Variants in CHST9 observed in about 807,000 individuals in gnomAD.
CHST9 encodes the protein GalNAc-4-sulfotransferase 2.
CHST9 carries 41 observed loss-of-function variants against 44.4 expected under a neutral mutation model. The observed-to-expected ratio is 0.92, with a 90% confidence interval of 0.72 to 1.20. The LOEUF (loss-of-function observed/expected upper bound fraction) is 1.20. CHST9 is among the 50% of genes most tolerant of loss of function. CHST9 has a pLI of 0.00. For synonymous variants in CHST9, 171 were observed against 178.4 expected, an observed-to-expected ratio of 0.96 and a Z score of 0.33; for missense variants, 504 against 516.5, an observed-to-expected ratio of 0.98 and a Z score of 0.23.
chr18:27,156,665 G>GCAA (rs2058700680), intron 1 of CHST9, among the ~76,000 whole-genome samples: 1 of 152,048 alleles, frequency 6.6e-6, no homozygotes, highest in Non-Finnish European at 1.5e-5. Context: ...GAGGCAATGG[G>GCAA]CAACAGAGTA....
At chr18:27,176,522 T>C (rs1044717155) in intron 1 of CHST9, among the ~76,000 whole-genome samples, 1 of 152,012 alleles carries the variant, frequency 6.6e-6, no homozygotes, top group African/African-American at 2.4e-5. Flanking sequence ...ATGGGAACCC[T>C]GCACCCTTGA....
chr18:26,986,240 A>G (rs2056753807), intron 4 of CHST9, among the ~76,000 whole-genome samples: 1 of 152,192 alleles, frequency 6.6e-6, no homozygotes, highest in South Asian at 2.1e-4. Context: ...AAAGTTAAGT[A>G]AAGACATGGA....
rs766901403 is a variant in CHST9, at chr18:26,908,754, T to C, written c.*7505A>G. On this transcript the variant is annotated 3_prime_UTR_variant, in exon 6 of 6. Coordinates refer to ENST00000618847, the MANE Select transcript of CHST9 (RefSeq NM_031422.6). The stretch of plus-strand genomic sequence containing the variant: ...GGCAATGTCATATGGTTCAACCTAA[T>C]AGAAAGGCAAAAAGAGACAAATCCT... 4 of 152,142 alleles carry C rather than the reference T, an allele frequency of 2.6e-5. No individual in the cohort carries two copies. The highest frequency in any genetic ancestry group is 5.9e-5 in the Non-Finnish European group (4 of 68,018). 9.4% of individuals were successfully genotyped at this position (152,142 alleles called of 1,614,324 possible). A position where few individuals can be genotyped will look rare whatever the true frequency, so the allele number is the denominator to read the frequency against.
chr18:26,956,406 T>C (rs1216668238), intron 4 of CHST9, among the ~76,000 whole-genome samples: 4 of 147,330 alleles, frequency 2.7e-5, no homozygotes, highest in Admixed American at 1.4e-4. Context: ...TATCTATATA[T>C]ATATACACAA....
At position 26,908,956 on chromosome 18, in the gene CHST9, A is replaced by C. The variant is rs926493558; in HGVS notation, c.*7303T>G. On this transcript the variant is annotated 3_prime_UTR_variant, in exon 6 of 6. Transcript: ENST00000618847. ...TATTGGAGAAACTCATATTGTCTTC[A>C]CTTGTTCAATGTGAAGTTGAGTTGC... is the stretch of plus-strand genomic sequence containing the variant. 3.3e-5 allele frequency: 5 copies of C among 152,206 alleles called. No individual in the cohort carries two copies. Among genetic ancestry groups the C allele is most frequent in the Non-Finnish European group, 7.3e-5 (5 of 68,038 alleles). 9.4% of individuals were successfully genotyped at this position (152,206 alleles called of 1,614,324 possible).
chr18:27,072,038 G>A (rs1333396331), intron 2 of CHST9, among the ~76,000 whole-genome samples: 1 of 152,176 alleles, frequency 6.6e-6, no homozygotes, highest in African/African-American at 2.4e-5. Context: ...TAGGATGAAT[G>A]TTGACTCAAC....
At chr18:26,953,578 TGAA>T (rs1292355704) in intron 4 of CHST9, among the ~76,000 whole-genome samples, 1 of 151,528 alleles carries the variant, frequency 6.6e-6, no homozygotes, top group Admixed American at 6.6e-5. Flanking sequence ...AGAAGGAAAA[TGAA>T]GAAAATCAAA....
At chr18:26,969,368 C>CTGTGTGTG (rs1435153900) in intron 4 of CHST9, among the ~76,000 whole-genome samples, 35 of 94,108 alleles carry the variant, frequency 3.7e-4, no homozygotes, top group African/African-American at 1.1e-3. Context: ...GATTCTCTCT[C>CTGTGTGTG]TCTCTCTCTG....
At chr18:26,968,521 A>C (rs1385246359) in intron 4 of CHST9, among the ~76,000 whole-genome samples, 2 of 152,122 alleles carry the variant, frequency 1.3e-5, no homozygotes, top group African/African-American at 4.8e-5. Context: ...GTTTTGTTGC[A>C]CTTTAAAGAA....
At chr18:26,988,833 A>G (rs1359154523) in intron 4 of CHST9, among the ~76,000 whole-genome samples, 1 of 152,190 alleles carries the variant, frequency 6.6e-6, no homozygotes, top group Non-Finnish European at 1.5e-5. Context: ...AAGTCATGTA[A>G]CATATGTTTT....
chr18:27,056,328 A>G (rs1320314242), intron 2 of CHST9, among the ~76,000 whole-genome samples: 2 of 152,146 alleles, frequency 1.3e-5, no homozygotes, highest in Admixed American at 6.5e-5. Context: ...TTTCACATGC[A>G]CAAGGTTCCA....
chr18:26,948,510 TTTGTTTCC>T (rs1012691075), intron 4 of CHST9, among the ~76,000 whole-genome samples: 9 of 152,210 alleles, frequency 5.9e-5, no homozygotes, highest in African/African-American at 2.2e-4. Flanking sequence ...AAACCTTAGT[TTTGTTTCC>T]TTTGGGACTA....
intron 2 of CHST9, among the ~76,000 whole-genome samples, chr18:27,107,936 C>T (rs2058236163): frequency 6.6e-6 from 1 of 152,182 alleles, no homozygotes; most frequent in South Asian, 2.1e-4. Context: ...TCTAGTTACA[C>T]TCAATCTCAC....
intron 3 of CHST9, among the ~76,000 whole-genome samples, chr18:27,031,003 C>T (rs1294520435): frequency 2.6e-5 from 4 of 152,162 alleles, no homozygotes; most frequent in African/African-American, 7.2e-5. Flanking sequence ...GTCCACCCCA[C>T]CCCCATCCCA....
chr18:27,182,323 G>A (rs985882836), intron 1 of CHST9, among the ~76,000 whole-genome samples: 4 of 80,818 alleles, frequency 4.9e-5, no homozygotes, highest in Admixed American at 2.4e-4. Flanking sequence ...TCTGTCCAAA[G>A]CCATTCTTCT....
chr18:26,927,525 T>A (rs1408307051), intron 5 of CHST9, among the ~76,000 whole-genome samples: 1 of 152,014 alleles, frequency 6.6e-6, no homozygotes, highest in Non-Finnish European at 1.5e-5. Flanking sequence ...CAGGAAAACA[T>A]GTGAACAAAT....
chr18:27,167,818 T>C (rs889900528), intron 1 of CHST9, among the ~76,000 whole-genome samples: 1 of 152,276 alleles, frequency 6.6e-6, no homozygotes, highest in African/African-American at 2.4e-5. Context: ...GATCTAATCA[T>C]GTGCAAAGTT....
At chr18:26,962,435 C>T (rs1035904937) in intron 4 of CHST9, among the ~76,000 whole-genome samples, 8 of 151,938 alleles carry the variant, frequency 5.3e-5, no homozygotes, top group African/African-American at 1.9e-4. Flanking sequence ...GGACTACAGG[C>T]ATCTGCCACC....
chr18:27,164,410 G>A (rs1433305022), intron 1 of CHST9, among the ~76,000 whole-genome samples: 2 of 148,846 alleles, frequency 1.3e-5, no homozygotes, highest in Non-Finnish European at 3.0e-5. Flanking sequence ...TTCTTAGAAA[G>A]TAAACAAAAA....
Sources: allele counts gnomAD v4.1 joint callset (sites outside exome capture counted in the v4.1 genomes callset), GRCh38; gene constraint gnomAD v4.1.1; transcripts MANE v1.5; gene names NCBI Gene and HGNC (gene_info 2026-07-23, HGNC 2026-07-21).